The following MYF5 variants were observed in gnomAD, a reference collection of about 807,000 sequenced individuals.
MYF5 encodes the protein class C basic helix-loop-helix protein 2.
MYF5 carries 20 observed loss-of-function variants against 22.3 expected under a neutral mutation model. The observed-to-expected ratio is 0.90, with a 90% CI of 0.63 to 1.30. The LOEUF (loss-of-function observed/expected upper bound fraction) is 1.30. MYF5 is among the 50% of genes most tolerant of loss of function. The pLI is 0.00. For missense variants in MYF5, 348 were observed against 325.9 expected, an observed-to-expected ratio of 1.07 and a Z score of -0.52; for synonymous variants, 141 against 128.4, an observed-to-expected ratio of 1.10 and a Z score of -0.66.
rs1246277962 is a variant in MYF5 at position 80,718,993 on chromosome 12, A to T, written c.710A>T (p.Asp237Val). 2 of 1,614,058 alleles carry T rather than the reference A, an allele frequency of 1.2e-6. No individual in the cohort carries two copies. Among genetic ancestry groups the T allele is most frequent in the South Asian group, 2.2e-5 (2 of 91,064 alleles). The change falls in exon 3 of 3, where the codon GAT becomes GTT. Residue 237 changes from aspartate (D) to valine (V), a missense_variant. By Grantham distance (152) the Asp-to-Val change is radical. Transcript: ENST00000228644. ...LASLSPVAST[D>V]SQPATPGASS... ...TCTCTCTCTCCAGTTGCCAGCACCG[A>T]TTCACAGCCTGCAACTCCAGGGGCT...
At chr12:80,717,789 C>T (rs1868644611) in intron 1 of MYF5, among the ~76,000 whole-genome samples, 2 of 152,148 alleles carry the variant, frequency 1.3e-5, no homozygotes, top group East Asian at 1.9e-4. Context: ...CGAGTGTTGA[C>T]ATGGAAGATG....
intron 2 of MYF5, 63 bp from the exon 3 acceptor site, chr12:80,718,798 C>A: frequency 7.2e-7 from 1 of 1,388,844 alleles, no homozygotes; most frequent in Non-Finnish European, 1.0e-6. Context: ...TAAGGAGCAA[C>A]ATAAGCAAAT....
chr12:80,718,841 T>C lies in MYF5; in HGVS notation c.578-20T>C. 6.3e-7 allele frequency: 1 copy of C among 1,588,168 alleles called. No individual in the cohort carries two copies. Reference sequence around the variant, plus strand: ...TCTTGGGCTAATTATTTTTTAATGCTTTTCTCCTTGTATCCTTAGTATATG... The same window carrying C: ...TCTTGGGCTAATTATTTTTTAATGCCTTTCTCCTTGTATCCTTAGTATATG... On this transcript the variant is annotated intron_variant, in intron 2 of 2. Coordinates refer to ENST00000228644, the MANE Select transcript of MYF5 (RefSeq NM_005593.3).
In MYF5 at chr12:80,717,260, A is replaced by C; in HGVS notation, c.197A>C (p.His66Pro). The C allele has an allele frequency of 6.2e-7, 1 of 1,614,096 alleles. No individual in the cohort carries two copies. Among genetic ancestry groups the C allele is most frequent in the Non-Finnish European group, 8.5e-7 (1 of 1,180,028 alleles). Reference protein sequence around the residue: ...RAPTGHHQAGHCLMWACKACK... With the variant: ...RAPTGHHQAGPCLMWACKACK... The stretch of plus-strand genomic sequence containing the variant: ...CCTACCGGCCACCACCAGGCTGGTC[A>C]CTGCCTCATGTGGGCCTGCAAAGCC... Residue 66 changes from histidine to proline, a missense_variant, in exon 1 of 3, where the codon CAC becomes CCC. Physicochemically the swap from His to Pro is moderately conservative, Grantham distance 77. Transcript: ENST00000228644.
In MYF5 at chr12:80,717,567, A is replaced by G; in HGVS notation, c.501+3A>G. On this transcript the variant is annotated splice_donor_region_variant and intron_variant, in intron 1 of 2. Coordinates refer to ENST00000228644, the MANE Select transcript of MYF5 (RefSeq NM_005593.3). ...CCTCCAACTGCTCTGATGGCATGGT[A>G]AGCAATAGATCTGGTACCTGCTAGG... 1 of 1,613,186 alleles carries G rather than the reference A, an allele frequency of 6.2e-7. No homozygotes were observed. The highest frequency in any genetic ancestry group is 8.5e-7 in the Non-Finnish European group (1 of 1,179,354).
At position 80,717,105 on chromosome 12, in the gene MYF5, C is replaced by A. The variant is rs1199154579; in HGVS notation, c.42C>A (p.Tyr14Ter). Residue 14 changes from tyrosine (Y) to a stop codon, truncating the protein, a stop_gained, in exon 1 of 3, where the codon TAC becomes TAA. Coordinates refer to ENST00000228644, the MANE Select transcript of MYF5 (RefSeq NM_005593.3). LOFTEE classifies it high-confidence loss of function. ...MDGCQFSPSE[Y>*]FYDGSCIPSP... ...GCTGCCAGTTCTCACCTTCTGAGTA[C>A]TTCTACGACGGCTCCTGCATACCGT... The A allele has an allele frequency of 1.1e-5, 18 of 1,611,808 alleles. No individual in the cohort carries two copies. The highest frequency in any genetic ancestry group is 1.1e-5 in the Non-Finnish European group (13 of 1,179,988).
rs1038326759 is a variant in MYF5 at position 80,718,538 on chromosome 12, G to A, written c.577+105G>A. 23 of 1,060,242 alleles carry A rather than the reference G, an allele frequency of 2.2e-5. No homozygotes were observed. The African/African-American group carries it at 2.2e-4, about 10-fold the overall frequency. 65.7% of individuals were successfully genotyped at this position (1,060,242 alleles called of 1,614,324 possible). A position where few individuals can be genotyped will look rare whatever the true frequency, so the allele number is the denominator to read the frequency against. ...TAGTATTGGGGAAGGGAGAATGGAA[G>A]TGATGGTTCTTATAGGGAGGCTTTG... On this transcript the variant is annotated intron_variant, in intron 2 of 2. Transcript: ENST00000228644.
In MYF5 at chr12:80,716,990, G is replaced by A; in HGVS notation, c.-74G>A. The A allele has an allele frequency of 6.6e-7, 1 of 1,525,588 alleles. No individual in the cohort carries two copies. Among genetic ancestry groups the A allele is most frequent in the South Asian group, 1.3e-5 (1 of 79,772 alleles). 94.5% of individuals were successfully genotyped at this position (1,525,588 alleles called of 1,614,324 possible). A position where few individuals can be genotyped will look rare whatever the true frequency, so the allele number is the denominator to read the frequency against. The stretch of plus-strand genomic sequence containing the variant: ...AGCTCCGCCCGGGATTTGCCCATCG[G>A]CGGAGGCGCCAGGCTCCCGTTTCTC... On this transcript the variant is annotated 5_prime_UTR_variant, in exon 1 of 3. Transcript: ENST00000228644.
chr12:80,717,071 T>A lies in MYF5; in HGVS notation c.8T>A (p.Val3Glu). 2 of 1,601,944 alleles carry A rather than the reference T, an allele frequency of 1.2e-6. No individual in the cohort carries two copies. The highest frequency in any genetic ancestry group is 1.7e-6 in the Non-Finnish European group (2 of 1,176,758). ...CGCCTGCCTCTCAGCAGGATGGACG[T>A]GATGGATGGCTGCCAGTTCTCACCT... MD[V>E]MDGCQFSPSE... Residue 3 changes from valine (V) to glutamate (E), a missense_variant, in exon 1 of 3, where the codon GTG becomes GAG. Transcript: ENST00000228644.
At chr12:80,717,786 T>G (rs1868644560) in intron 1 of MYF5, among the ~76,000 whole-genome samples, 1 of 152,226 alleles carries the variant, frequency 6.6e-6, no homozygotes, top group African/African-American at 2.4e-5. Context: ...AATCGAGTGT[T>G]GACATGGAAG....
intron 2 of MYF5, 116 bp from the exon 3 acceptor site, chr12:80,718,745 T>A (rs781756824): frequency 4.5e-6 from 4 of 887,582 alleles, no homozygotes; most frequent in Non-Finnish European, 6.9e-6. Context: ...AGGCTTTCTG[T>A]GACCACCTGA....
At position 80,717,094 on chromosome 12, in the gene MYF5, CCTT is replaced by C; in HGVS notation, c.34_36del (p.Ser12del). The C allele has an allele frequency of 4.3e-6, 7 of 1,609,998 alleles. No homozygotes were observed. Among genetic ancestry groups the C allele is most frequent in the Non-Finnish European group, 5.9e-6 (7 of 1,179,656 alleles). ...CGTGATGGATGGCTGCCAGTTCTCA[CCTT>C]CTGAGTACTTCTACGACGGCTCCTG... is the stretch of plus-strand genomic sequence containing the variant. On this transcript the variant is annotated inframe_deletion, in exon 1 of 3. Transcript: ENST00000228644.
Position 80,717,291 on chromosome 12 carries a change from G to A in MYF5, c.228G>A (p.Lys76=). The A allele has an allele frequency of 6.2e-7, 1 of 1,614,096 alleles. No individual in the cohort carries two copies. The highest frequency in any genetic ancestry group is 1.1e-5 in the South Asian group (1 of 91,074). Reference sequence around the variant, plus strand: ...TCATGTGGGCCTGCAAAGCCTGCAAGAGGAAGTCCACCACCATGGATCGGC... The same window carrying A: ...TCATGTGGGCCTGCAAAGCCTGCAAAAGGAAGTCCACCACCATGGATCGGC... The part of the protein sequence containing the change: ...HCLMWACKAC[K]RKSTTMDRRK... The change falls in exon 1 of 3, where the codon AAG becomes AAA. Residue 76 remains lysine, a synonymous_variant. Coordinates refer to ENST00000228644, the MANE Select transcript of MYF5 (RefSeq NM_005593.3).
At chr12:80,717,591 G>A (rs748618649) in intron 1 of MYF5, 27 bp downstream of exon 1, 3 of 1,603,168 alleles carry the variant, frequency 1.9e-6, no homozygotes, top group Admixed American at 3.4e-5. Context: ...GTACCTGCTA[G>A]GCTACCCTAA....
At chr12:80,717,666 T>G in intron 1 of MYF5, 102 bp downstream of exon 1, 1 of 1,397,536 alleles carries the variant, frequency 7.2e-7, no homozygotes, top group Non-Finnish European at 9.7e-7. Context: ...TGGAGGCAGA[T>G]GCTGAGTTGC....
At chr12:80,718,221 C>G (rs1868654790) in intron 1 of MYF5, 137 bp from the exon 2 acceptor site, 1 of 752,370 alleles carries the variant, frequency 1.3e-6, no homozygotes, top group South Asian at 1.6e-5. Flanking sequence ...GAGGGCTAGC[C>G]CTTCCTAAAT....
In MYF5 at chr12:80,716,914, C is replaced by A. The variant is rs1489237713; in HGVS notation, c.-150C>A. The A allele has an allele frequency of 3.1e-6, 3 of 959,290 alleles. No individual in the cohort carries two copies. Among genetic ancestry groups the A allele is most frequent in the East Asian group, 2.6e-5 (1 of 38,156 alleles). 59.4% of individuals were successfully genotyped at this position (959,290 alleles called of 1,614,324 possible). A position where few individuals can be genotyped will look rare whatever the true frequency, so the allele number is the denominator to read the frequency against. On this transcript the variant is annotated 5_prime_UTR_variant, in exon 1 of 3. Coordinates refer to ENST00000228644, the MANE Select transcript of MYF5 (RefSeq NM_005593.3). ...AGAACCCCAACCCCAGCTTGTCTAC[C>A]CAGGCCAACAGGCGTCTGCCCTTGT...
In MYF5 at chr12:80,717,350, T is replaced by C. The variant is rs1287725212; in HGVS notation, c.287T>C (p.Leu96Pro). The change falls in exon 1 of 3, where the codon CTG becomes CCG. Residue 96 changes from leucine to proline, a missense_variant. Leu to Pro is a moderately conservative substitution (Grantham distance 98, BLOSUM62 -3). Coordinates refer to ENST00000228644, the MANE Select transcript of MYF5 (RefSeq NM_005593.3). ...KAATMRERRR[L>P]KKVNQAFETL... The stretch of plus-strand genomic sequence containing the variant: ...GCCACTATGCGCGAGCGGAGGCGCC[T>C]GAAGAAGGTCAACCAGGCTTTCGAA... The C allele has an allele frequency of 6.2e-7, 1 of 1,614,098 alleles. No individual in the cohort carries two copies. The highest frequency in any genetic ancestry group is 1.3e-5 in the African/African-American group (1 of 75,012).
At chr12:80,717,587 GC>G (rs745720304) in intron 1 of MYF5, 23 bp downstream of exon 1, 3 of 1,605,942 alleles carry the variant, frequency 1.9e-6, no homozygotes, top group Non-Finnish European at 2.6e-6. Flanking sequence ...TCTGGTACCT[GC>G]TAGGCTACCC....
Sources: gnomAD v4.1 joint callset for allele counts (sites outside exome capture counted in the v4.1 genomes callset) on GRCh38, gnomAD v4.1.1 for gene constraint, MANE v1.5 for transcripts, NCBI Gene and HGNC (gene_info 2026-07-23, HGNC 2026-07-21) for gene names.